Variants in TMEM178B observed in about 807,000 individuals in gnomAD.
TMEM178B encodes the protein transmembrane protein 178B.
Under a neutral mutation model 31.0 loss-of-function variants are expected in TMEM178B, and 5 were observed. The ratio of observed to expected loss-of-function variants is 0.16; its 90% confidence interval spans 0.08 to 0.34. The LOEUF is 0.34. Among genes scored for constraint, TMEM178B ranks in the 10% least tolerant of loss-of-function variants. The pLI is 1.00. For missense variants in TMEM178B, 275 were observed against 400.3 expected (o/e 0.69, Z 2.67); for synonymous variants, 164 against 164.0 (o/e 1.00, Z 0.00).
At chr7:141,263,517 G>T (rs746747594) in intron 2 of TMEM178B, among the ~76,000 whole-genome samples, 7 of 152,232 alleles carry the variant, frequency 4.6e-5, no homozygotes, top group Non-Finnish European at 1.0e-4. Context: ...ACAGAGTGAA[G>T]GCTGGGGTAG....
At chr7:141,197,467 G>A (rs1455139226) in intron 1 of TMEM178B, among the ~76,000 whole-genome samples, 1 of 152,182 alleles carries the variant, frequency 6.6e-6, no homozygotes, top group African/African-American at 2.4e-5. Flanking sequence ...CAACTAGGGA[G>A]TCAGGATAAG....
rs527945620 is a variant in TMEM178B, at chr7:141,381,784, G to T, written c.497-55824G>T. 2.0e-3 allele frequency among the ~76,000 whole-genome samples: 310 copies of T among 152,238 alleles called. 2 individuals carry two copies. The highest frequency in any genetic ancestry group is 3.1e-3 in the Non-Finnish European group (213 of 68,024). ...TCCCCCCCTTTTGCCCACAAGGATG[G>T]TACATTTTCTATTTTATCTGAGGGG... On this transcript the variant is annotated intron_variant, in intron 2 of 3. Coordinates refer to ENST00000565468, the MANE Select transcript of TMEM178B (RefSeq NM_001195278.2).
At chr7:141,167,200 C>T (rs925101187) in intron 1 of TMEM178B, among the ~76,000 whole-genome samples, 3 of 152,340 alleles carry the variant, frequency 2.0e-5, no homozygotes, top group South Asian at 2.1e-4. Flanking sequence ...TGGAACTAGT[C>T]TCCTGACACA....
intron 1 of TMEM178B, among the ~76,000 whole-genome samples, chr7:141,118,519 T>C (rs979426935): frequency 1.3e-5 from 2 of 152,236 alleles, no homozygotes; most frequent in Admixed American, 1.3e-4. Context: ...TAGTAAGTGG[T>C]ATACAATAGT....
chr7:141,380,161 T>C (rs376101910), intron 2 of TMEM178B, among the ~76,000 whole-genome samples: 1 of 152,182 alleles, frequency 6.6e-6, no homozygotes, highest in African/African-American at 2.4e-5. Flanking sequence ...GAATACTTGA[T>C]TAAAGTCCCC....
At chr7:141,295,626 G>A (rs1215109596) in intron 2 of TMEM178B, among the ~76,000 whole-genome samples, 1 of 152,184 alleles carries the variant, frequency 6.6e-6, no homozygotes, top group African/African-American at 2.4e-5. Flanking sequence ...TAAGTGGGGA[G>A]TGTTTTCTTA....
At chr7:141,453,506 T>C (rs956784409) in intron 3 of TMEM178B, among the ~76,000 whole-genome samples, 1 of 152,258 alleles carries the variant, frequency 6.6e-6, no homozygotes, top group African/African-American at 2.4e-5. Context: ...TCTAAGACAC[T>C]CAAATAGTAA....
chr7:141,190,628 A>G (rs551258702), intron 1 of TMEM178B, among the ~76,000 whole-genome samples: 1 of 152,280 alleles, frequency 6.6e-6, no homozygotes, highest in East Asian at 1.9e-4. Flanking sequence ...TTTACTGAAT[A>G]CTGTATTGAA....
intron 1 of TMEM178B, among the ~76,000 whole-genome samples, chr7:141,168,939 G>T (rs1199938214): frequency 6.6e-6 from 1 of 152,136 alleles, no homozygotes; most frequent in Non-Finnish European, 1.5e-5. Context: ...GAGCAATTGG[G>T]ATACCCATTA....
intron 2 of TMEM178B, among the ~76,000 whole-genome samples, chr7:141,394,534 G>C (rs755460515): frequency 5.3e-4 from 80 of 152,226 alleles, no homozygotes; most frequent in Non-Finnish European, 9.6e-4. Flanking sequence ...ACTTATTTTG[G>C]GGATAGTAAG....
intron 1 of TMEM178B, among the ~76,000 whole-genome samples, chr7:141,150,933 G>A (rs1398963501): frequency 6.6e-6 from 1 of 152,118 alleles, no homozygotes; most frequent in Non-Finnish European, 1.5e-5. Context: ...AATAAATCAG[G>A]ATTTAATCTA....
chr7:141,425,470 A>T (rs1801295698), intron 2 of TMEM178B, among the ~76,000 whole-genome samples: 1 of 152,234 alleles, frequency 6.6e-6, no homozygotes, highest in Non-Finnish European at 1.5e-5. Context: ...CAGTAAAGAC[A>T]GCCAGAGGAC....
chr7:141,457,156 G>GT (rs929681908), intron 3 of TMEM178B, among the ~76,000 whole-genome samples: 4 of 152,068 alleles, frequency 2.6e-5, no homozygotes, highest in African/African-American at 9.7e-5. Flanking sequence ...CTGGAGGATT[G>GT]TTTTTTTAAT....
intron 2 of TMEM178B, among the ~76,000 whole-genome samples, chr7:141,221,486 T>G (rs1797255997): frequency 6.6e-6 from 1 of 152,214 alleles, no homozygotes; most frequent in Non-Finnish European, 1.5e-5. Flanking sequence ...CATTCCAGAC[T>G]GAATGAGTGA....
rs1275185978 is a variant in TMEM178B, at chr7:141,476,903, CAG to C, written c.*6119_*6120del. ...GGGGTGTATGTTCAGGTGTGAAAAA[CAG>C]AAAACTGGGTCTGAACATGAAGAGT... On this transcript the variant is annotated 3_prime_UTR_variant, in exon 4 of 4. Coordinates refer to ENST00000565468, the MANE Select transcript of TMEM178B (RefSeq NM_001195278.2). 5.2e-5 allele frequency: 8 copies of C among 154,836 alleles called. No homozygotes were observed. In the Admixed American group the frequency reaches 5.2e-4, roughly 10 times the overall value. The allele number at this position is 154,836 out of a possible 1,614,324, so 9.6% of individuals were successfully genotyped here.
the TMEM178B span, among the ~76,000 whole-genome samples, chr7:141,487,741 CAAAAAAA>C: frequency 7.3e-4 from 22 of 30,268 alleles, no homozygotes; most frequent in African/African-American, 9.9e-4. Flanking sequence ...GACTCCGTCT[CAAAAAAA>C]AAAAAAAAAA....
At chr7:141,409,608 A>G (rs2116632261) in intron 2 of TMEM178B, among the ~76,000 whole-genome samples, 1 of 152,228 alleles carries the variant, frequency 6.6e-6, no homozygotes, top group Non-Finnish European at 1.5e-5. Context: ...GAGAGATGAT[A>G]TGGTTGAATA....
chr7:141,101,757 TA>T (rs1390670472), intron 1 of TMEM178B, among the ~76,000 whole-genome samples: 1 of 152,224 alleles, frequency 6.6e-6, no homozygotes, highest in Non-Finnish European at 1.5e-5. Context: ...GGCCTATTAC[TA>T]AAAATTACAT....
chr7:141,505,814 C>T, the TMEM178B span, among the ~76,000 whole-genome samples: 1 of 152,212 alleles, frequency 6.6e-6, no homozygotes, highest in Non-Finnish European at 1.5e-5. Context: ...GCAGAATTTC[C>T]AAGTACACTC....
Sources: allele counts gnomAD v4.1 joint callset (sites outside exome capture counted in the v4.1 genomes callset), GRCh38; gene constraint gnomAD v4.1.1; transcripts MANE v1.5; gene names NCBI Gene and HGNC (gene_info 2026-07-23, HGNC 2026-07-21).